Variants in CNTN5 observed in about 807,000 individuals in gnomAD.
CNTN5 encodes the protein contactin 5.
CNTN5 carries 77 observed loss-of-function variants against 129.1 expected under a neutral mutation model. The ratio of observed to expected loss-of-function variants is 0.60; its 90% confidence interval spans 0.50 to 0.72. The LOEUF is 0.72. CNTN5 is among the 30% of genes least tolerant of loss of function. The pLI is 0.00. For missense variants in CNTN5, 1,478 were observed against 1,328.8 expected (o/e 1.11, Z -1.75); for synonymous variants, 509 against 465.6 (o/e 1.09, Z -1.20).
chr11:100,008,464 G>T (rs936069192), intron 9 of CNTN5, among the ~76,000 whole-genome samples: 2 of 152,082 alleles, frequency 1.3e-5, no homozygotes, highest in East Asian at 1.9e-4. Flanking sequence ...GTAGACTAAA[G>T]TACCTCAAAG....
At position 99,637,686 on chromosome 11, in the gene CNTN5, AGGTGCTC is replaced by A. The variant is rs201372177; in HGVS notation, c.55+81418_55+81424del. 6.9e-3 allele frequency among the ~76,000 whole-genome samples: 1,047 copies of A among 152,188 alleles called. 67 individuals are homozygous for A. In the East Asian group the frequency reaches 0.17, roughly 24 times the overall value. ...ATTCACATAATGTCAAAAATAGAAA[AGGTGCTC>A]AAAAATATATAACTATTTATTTTAC... On this transcript the variant is annotated intron_variant, in intron 3 of 24. Transcript: ENST00000524871.
intron 18 of CNTN5, among the ~76,000 whole-genome samples, chr11:100,281,316 C>A (rs888581934): frequency 2.6e-5 from 4 of 151,944 alleles, no homozygotes; most frequent in South Asian, 2.1e-4. Context: ...GTCTGGGAAG[C>A]CTTTATTTCT....
At chr11:100,233,835 G>A (rs1369277292) in intron 16 of CNTN5, among the ~76,000 whole-genome samples, 1 of 152,084 alleles carries the variant, frequency 6.6e-6, no homozygotes, top group Non-Finnish European at 1.5e-5. Flanking sequence ...CTTCTGCAAA[G>A]CAAAAGAAAC....
intron 16 of CNTN5, chr11:100,225,428 A>G (rs1949350495): frequency 6.6e-6 from 1 of 152,106 alleles, no homozygotes; most frequent in Non-Finnish European, 1.5e-5. Flanking sequence ...TTCCTTTAGC[A>G]CAGTATTCCA....
At chr11:99,675,916 A>G (rs1953260924) in intron 3 of CNTN5, among the ~76,000 whole-genome samples, 1 of 152,154 alleles carries the variant, frequency 6.6e-6, no homozygotes, top group South Asian at 2.1e-4. Flanking sequence ...AGAGCTGTGT[A>G]ATATTAGATA....
intron 8 of CNTN5, 32 bp from the exon 9 acceptor site, chr11:100,002,002 T>C (rs775120422): frequency 1.4e-6 from 2 of 1,387,502 alleles, no homozygotes; most frequent in South Asian, 2.6e-5. Context: ...TAACATTCAT[T>C]TGATGCTTAA....
chr11:100,319,794 C>T (rs973406304), intron 21 of CNTN5, among the ~76,000 whole-genome samples: 2 of 152,112 alleles, frequency 1.3e-5, no homozygotes, highest in Non-Finnish European at 2.9e-5. Flanking sequence ...ATGGGTAAGA[C>T]CATGTGGTAT....
At chr11:99,739,845 A>G (rs1037078613) in intron 3 of CNTN5, among the ~76,000 whole-genome samples, 2 of 152,194 alleles carry the variant, frequency 1.3e-5, no homozygotes, top group East Asian at 1.9e-4. Context: ...GAACTGAAGC[A>G]TTAAGTCTAG....
At chr11:99,252,115 A>G (rs1862137792) in intron 1 of CNTN5, among the ~76,000 whole-genome samples, 1 of 151,808 alleles carries the variant, frequency 6.6e-6, no homozygotes, top group South Asian at 2.1e-4. Flanking sequence ...ATCTCTCTTC[A>G]CTTCTTACTT....
At chr11:99,897,389 C>T (rs926443751) in intron 6 of CNTN5, among the ~76,000 whole-genome samples, 8 of 151,984 alleles carry the variant, frequency 5.3e-5, no homozygotes, top group Non-Finnish European at 7.4e-5. Flanking sequence ...ATGTTAAAGG[C>T]GGCTAGAGAA....
At chr11:99,753,119 C>CTTTT (rs375324214) in intron 3 of CNTN5, among the ~76,000 whole-genome samples, 1,066 of 93,038 alleles carry the variant, frequency 0.011, 71 homozygotes, top group African/African-American at 0.028. Context: ...GCCATATTTG[C>CTTTT]TTTTTTTTTT....
At position 100,343,404 on chromosome 11, in the gene CNTN5, C is replaced by T. The variant is rs536198230; in HGVS notation, c.3030+2199C>T. Among the ~76,000 whole-genome samples the T allele has an allele frequency of 1.1e-4, 16 of 150,202 alleles. No individual in the cohort carries two copies. In the South Asian group the frequency reaches 1.5e-3, roughly 14 times the overall value. ...CTTCTCCTTTGCAACTAAACCTTAT[C>T]GGAACCTTTCTGATGAGTGGGATGA... On this transcript the variant is annotated intron_variant, in intron 23 of 24. Coordinates refer to ENST00000524871, the MANE Select transcript of CNTN5 (RefSeq NM_014361.4).
At chr11:99,641,119 A>G (rs952729282) in intron 3 of CNTN5, among the ~76,000 whole-genome samples, 1 of 152,222 alleles carries the variant, frequency 6.6e-6, no homozygotes, top group Non-Finnish European at 1.5e-5. Context: ...GGAGAAACAG[A>G]TGGCTGTGAA....
At chr11:99,417,256 T>A (rs1483138533) in intron 2 of CNTN5, among the ~76,000 whole-genome samples, 1 of 152,190 alleles carries the variant, frequency 6.6e-6, no homozygotes, top group East Asian at 1.9e-4. Context: ...ATTAGTGTGA[T>A]AATATGTAGA....
At chr11:99,298,369 A>T (rs1864476780) in intron 1 of CNTN5, among the ~76,000 whole-genome samples, 1 of 152,188 alleles carries the variant, frequency 6.6e-6, no homozygotes, top group Non-Finnish European at 1.5e-5. Context: ...GACTGATTAC[A>T]GCTTGGCTTT....
intron 1 of CNTN5, among the ~76,000 whole-genome samples, chr11:99,294,156 A>T (rs1435798991): frequency 6.6e-6 from 1 of 152,092 alleles, no homozygotes; most frequent in Non-Finnish European, 1.5e-5. Flanking sequence ...AATTTTTTAA[A>T]TTAATTCATT....
intron 9 of CNTN5, among the ~76,000 whole-genome samples, chr11:100,038,345 A>G (rs1038901958): frequency 3.9e-5 from 6 of 152,112 alleles, no homozygotes; most frequent in African/African-American, 1.2e-4. Flanking sequence ...GTTTGTTATG[A>G]TTTCTGTTCT....
At chr11:99,163,753 T>A (rs1215494478) in intron 1 of CNTN5, among the ~76,000 whole-genome samples, 1 of 152,184 alleles carries the variant, frequency 6.6e-6, no homozygotes, top group East Asian at 1.9e-4. Context: ...ATTAAAACTG[T>A]GTACAGTTCA....
intron 6 of CNTN5, among the ~76,000 whole-genome samples, chr11:99,850,171 C>A (rs1947827463): frequency 6.6e-6 from 1 of 152,014 alleles, no homozygotes. Flanking sequence ...GAATTTTGGG[C>A]TTATAGTAAT....
Sources: allele counts gnomAD v4.1 joint callset (sites outside exome capture counted in the v4.1 genomes callset), GRCh38; gene constraint gnomAD v4.1.1; transcripts MANE v1.5; gene names NCBI Gene and HGNC (gene_info 2026-07-23, HGNC 2026-07-21).